The following GBE1 variants were observed in gnomAD, a reference collection of about 807,000 sequenced individuals.
GBE1 encodes 1,4-alpha-glucan branching enzyme 1.
A neutral mutation model predicts 88.8 loss-of-function variants in GBE1; 70 were observed. That is an observed-to-expected ratio of 0.79 (90% CI 0.65 to 0.96). The LOEUF (loss-of-function observed/expected upper bound fraction) is 0.96, where lower values mean the gene tolerates loss of function less well. Among genes scored for constraint, GBE1 ranks in the 40% least tolerant of loss-of-function variants. GBE1 has a pLI of 0.00. For synonymous variants in GBE1, 284 were observed against 300.1 expected (o/e 0.95, Z 0.56); for missense variants, 872 against 871.0 (o/e 1.00, Z -0.01).
At chr3:81,753,492 T>G (rs1319699124) in intron 1 of GBE1, among the ~76,000 whole-genome samples, 1 of 152,214 alleles carries the variant, frequency 6.6e-6, no homozygotes, top group East Asian at 1.9e-4. Context: ...AGTCTAAAAC[T>G]ATAGCATATT....
chr3:81,633,843 G>C (rs1322508371), intron 7 of GBE1, among the ~76,000 whole-genome samples: 3 of 152,110 alleles, frequency 2.0e-5, no homozygotes, highest in Non-Finnish European at 4.4e-5. Context: ...GGCACATTTT[G>C]GAACCCAGAG....
intron 7 of GBE1, among the ~76,000 whole-genome samples, chr3:81,635,737 C>T (rs1439306675): frequency 1.3e-5 from 2 of 152,108 alleles, no homozygotes; most frequent in African/African-American, 4.8e-5. Flanking sequence ...AATGGATAAT[C>T]ACTTGAATAG....
At position 81,591,110 on chromosome 3, in the gene GBE1, T is replaced by C; in HGVS notation, c.1163A>G (p.Asp388Gly). The C allele has an allele frequency of 1.9e-6, 3 of 1,608,998 alleles. No individual in the cohort carries two copies. The highest frequency in any genetic ancestry group is 2.5e-6 in the Non-Finnish European group (3 of 1,177,152). Residue 388 changes from aspartate to glycine, a missense_variant, in exon 9 of 16, where the codon GAT (aspartate) becomes GGT (glycine). Transcript: ENST00000429644. ...TGCCAACATGAGGTAAGTCAAGGCA[T>C]CTTCATCTACTTGTAGTCCGAAATA... is the stretch of plus-strand genomic sequence containing the variant. ...SEYFGLQVDEDALTYLMLANH... is the reference protein window; with the variant it reads ...SEYFGLQVDEGALTYLMLANH...
At chr3:81,491,630 T>C (rs1044774464) in intron 15 of GBE1, among the ~76,000 whole-genome samples, 1 of 152,186 alleles carries the variant, frequency 6.6e-6, no homozygotes. Flanking sequence ...TTGTAGATGG[T>C]TGTCATTGTG....
chr3:81,679,117 C>T (rs1705302913), intron 2 of GBE1, among the ~76,000 whole-genome samples: 2 of 152,070 alleles, frequency 1.3e-5, no homozygotes, highest in Admixed American at 6.5e-5. Context: ...GAATATAGAA[C>T]CTTATCTCTA....
intron 1 of GBE1, among the ~76,000 whole-genome samples, chr3:81,739,537 T>A (rs1299318986): frequency 6.6e-6 from 1 of 152,176 alleles, no homozygotes; most frequent in Non-Finnish European, 1.5e-5. Context: ...AGACAACATA[T>A]TGCCTGGCAA....
At chr3:81,571,195 A>G (rs1026513958) in intron 12 of GBE1, among the ~76,000 whole-genome samples, 1 of 152,126 alleles carries the variant, frequency 6.6e-6, no homozygotes, top group African/African-American at 2.4e-5. Flanking sequence ...CTCCTCATAT[A>G]CCTTTTTACT....
At chr3:81,611,239 G>T (rs1387259069) in intron 7 of GBE1, among the ~76,000 whole-genome samples, 1 of 152,066 alleles carries the variant, frequency 6.6e-6, no homozygotes, top group Non-Finnish European at 1.5e-5. Flanking sequence ...TTCCTGTACT[G>T]GGCAATGGCT....
intron 12 of GBE1, among the ~76,000 whole-genome samples, chr3:81,537,417 G>A (rs926887781): frequency 2.1e-4 from 32 of 151,944 alleles, no homozygotes; most frequent in Admixed American, 5.9e-4. Context: ...TAATCTCTGC[G>A]ATCTCAGAGT....
At chr3:81,607,401 T>C (rs1010865910) in intron 7 of GBE1, among the ~76,000 whole-genome samples, 18 of 151,770 alleles carry the variant, frequency 1.2e-4, no homozygotes, top group African/African-American at 4.1e-4. Flanking sequence ...CTACAAAAAT[T>C]AGCTGGGCTT....
At chr3:81,559,651 T>A (rs978278250) in intron 12 of GBE1, among the ~76,000 whole-genome samples, 5 of 151,972 alleles carry the variant, frequency 3.3e-5, no homozygotes, top group African/African-American at 1.2e-4. Flanking sequence ...ACAGATGATA[T>A]ACACTTGAAG....
intron 14 of GBE1, among the ~76,000 whole-genome samples, chr3:81,520,260 C>T (rs576150030): frequency 2.3e-4 from 35 of 151,422 alleles, no homozygotes; most frequent in Non-Finnish European, 4.3e-4. Context: ...TCTGTCGGTG[C>T]CATTTTTCTA....
intron 2 of GBE1, among the ~76,000 whole-genome samples, chr3:81,697,025 A>T (rs1417525393): frequency 6.6e-6 from 1 of 152,024 alleles, no homozygotes; most frequent in Non-Finnish European, 1.5e-5. Context: ...ATCCTGACAC[A>T]ATCTACCAGG....
intron 2 of GBE1, among the ~76,000 whole-genome samples, chr3:81,685,794 T>G (rs1705428906): frequency 6.6e-6 from 1 of 152,222 alleles, no homozygotes; most frequent in African/African-American, 2.4e-5. Context: ...ATTGATGCAC[T>G]GGCTGAAAGA....
At chr3:81,533,226 G>A (rs1159071079) in intron 14 of GBE1, among the ~76,000 whole-genome samples, 2 of 152,076 alleles carry the variant, frequency 1.3e-5, no homozygotes, top group African/African-American at 4.8e-5. Flanking sequence ...AGGTGAGAAG[G>A]ATCACGCACA....
intron 7 of GBE1, among the ~76,000 whole-genome samples, chr3:81,639,353 A>T (rs1704637235): frequency 6.6e-6 from 1 of 151,822 alleles, no homozygotes; most frequent in African/African-American, 2.4e-5. Flanking sequence ...TTTTTTTTAA[A>T]AAAAATGGCT....
Position 81,652,907 on chromosome 3 carries a change from A to T in GBE1, c.430-2986T>A, listed in dbSNP as rs3772910. On this transcript the variant is annotated intron_variant, in intron 3 of 15. Coordinates refer to ENST00000429644, the MANE Select transcript of GBE1 (RefSeq NM_000158.4). Reference sequence around the variant, plus strand: ...CATCCTGCATTTGTGTTATGCTCCAATGAGTTCAAATTCCAGTCGGAAAAA... The same window carrying T: ...CATCCTGCATTTGTGTTATGCTCCATTGAGTTCAAATTCCAGTCGGAAAAA... Among the ~76,000 whole-genome samples, 367 of 152,336 alleles carry T rather than the reference A, an allele frequency of 2.4e-3. 16 individuals are homozygous for T. In the East Asian group the frequency reaches 0.068, roughly 28 times the overall value.
At chr3:81,705,218 T>C (rs557645722) in intron 2 of GBE1, among the ~76,000 whole-genome samples, 4 of 152,104 alleles carry the variant, frequency 2.6e-5, no homozygotes, top group Non-Finnish European at 1.5e-5. Context: ...TTCTAGTACA[T>C]GATTTTACAG....
At chr3:81,561,394 A>T (rs1703415403) in intron 12 of GBE1, among the ~76,000 whole-genome samples, 1 of 152,072 alleles carries the variant, frequency 6.6e-6, no homozygotes, top group Non-Finnish European at 1.5e-5. Flanking sequence ...CATTTTGTAC[A>T]TGATAAGTTA....
Sources: allele counts gnomAD v4.1 joint callset (sites outside exome capture counted in the v4.1 genomes callset), GRCh38; gene constraint gnomAD v4.1.1; transcripts MANE v1.5; gene names NCBI Gene and HGNC (gene_info 2026-07-23, HGNC 2026-07-21).